PRDM1: variants seen among roughly 807,000 people sequenced by gnomAD.
PRDM1 encodes PR domain zinc finger protein 1.
A neutral mutation model predicts 62.8 loss-of-function variants in PRDM1; 13 were observed. The observed-to-expected ratio is 0.21, with a 90% CI of 0.13 to 0.33. PRDM1 has a LOEUF of 0.33. PRDM1 is among the 10% of genes least tolerant of loss of function. The probability of loss-of-function intolerance (pLI) is 1.00; values close to 1 mark genes in which losing one functional copy is unlikely to be tolerated. For missense variants in PRDM1, 895 were observed against 1,058.8 expected, an observed-to-expected ratio of 0.85 and a Z score of 2.15; for synonymous variants, 396 against 417.6, an observed-to-expected ratio of 0.95 and a Z score of 0.63.
chr6:106,032,414 C>T (rs1381960813), intron 1 of PRDM1, among the ~76,000 whole-genome samples: 1 of 150,730 alleles, frequency 6.6e-6, no homozygotes, highest in Non-Finnish European at 1.5e-5. Context: ...ATCCACCCTT[C>T]TCAGTCTCCC....
chr6:106,014,058 ATTTTTTT>A (rs71006664), intron 1 of PRDM1, among the ~76,000 whole-genome samples: 5 of 105,104 alleles, frequency 4.8e-5, no homozygotes, highest in Admixed American at 1.2e-4. Flanking sequence ...AGGACAAGGA[ATTTTTTT>A]TTTTTTTTTT....
rs112804146 is a variant in PRDM1 at position 106,050,948 on chromosome 6, A to G, written c.-67+2234A>G. ...AATTTAGTGATAAATTGTGCTTAGA[A>G]AGAAATATATAAAAATATATTTGGA... On this transcript the variant is annotated intron_variant, in intron 1 of 6. Coordinates refer to the PRDM1 transcript ENST00000651185. Among the ~76,000 whole-genome samples the G allele has an allele frequency of 3.7e-3, 558 of 152,372 alleles. 3 individuals carry two copies. The highest frequency in any genetic ancestry group is 7.0e-3 in the Non-Finnish European group (476 of 68,032).
chr6:106,051,195 T>C (rs1773168078), intron 1 of PRDM1, among the ~76,000 whole-genome samples: 1 of 152,248 alleles, frequency 6.6e-6, no homozygotes. Context: ...GTTTCCTTAA[T>C]TGTACCTAGG....
At position 106,106,560 on chromosome 6, in the gene PRDM1, T is replaced by C. The variant is rs1774497199; in HGVS notation, c.1902+61T>C. On this transcript the variant is annotated intron_variant, in intron 6 of 6. Coordinates refer to ENST00000369096, the MANE Select transcript of PRDM1 (RefSeq NM_001198.4). This position sits in a 1 kb window ranked among gnomAD's most constrained non-coding sequence, Gnocchi z 4.4. ...TGTAGAAAATGTCTGTGAGTCACCC[T>C]CCCATGTCCTATATAGCCCGTAGTT... 1 of 1,601,504 alleles carries C rather than the reference T, an allele frequency of 6.2e-7. No individual in the cohort carries two copies.
chr6:106,101,899 A>G (rs544744560), intron 4 of PRDM1, among the ~76,000 whole-genome samples: 2 of 152,366 alleles, frequency 1.3e-5, no homozygotes, highest in East Asian at 3.9e-4. Flanking sequence ...GCATTTTTCT[A>G]AAAACAAAGG....
chr6:106,086,470 C>G lies in PRDM1; in HGVS notation c.-84C>G, dbSNP rs898001467. 2.7e-5 allele frequency: 37 copies of G among 1,378,926 alleles called. No homozygotes were observed. The highest frequency in any genetic ancestry group is 3.4e-5 in the Non-Finnish European group (34 of 1,003,238). 85.4% of individuals were successfully genotyped at this position (1,378,926 alleles called of 1,614,324 possible). On this transcript the variant is annotated 5_prime_UTR_variant, in exon 1 of 7. Coordinates refer to ENST00000369096, the MANE Select transcript of PRDM1 (RefSeq NM_001198.4). ...GCCGGACGAAGCGAGGAGGGACCGC[C>G]GAGGTGCGCGTCTGTGCGGCTCAGC...
At chr6:106,074,426 T>C (rs1773569109) in intron 1 of PRDM1, among the ~76,000 whole-genome samples, 1 of 152,260 alleles carries the variant, frequency 6.6e-6, no homozygotes, top group South Asian at 2.1e-4. Flanking sequence ...CATGTATGTT[T>C]GATCATTGCA....
chr6:106,033,504 T>C (rs1772879222), intron 1 of PRDM1, among the ~76,000 whole-genome samples: 1 of 152,020 alleles, frequency 6.6e-6, no homozygotes, highest in South Asian at 2.1e-4. Flanking sequence ...CTTTAAGAGA[T>C]GAGATCTTGG....
At chr6:106,022,409 A>G (rs116846752) in intron 1 of PRDM1, among the ~76,000 whole-genome samples, 1,995 of 147,324 alleles carry the variant, frequency 0.014, 16 homozygotes, top group Non-Finnish European at 0.019. Context: ...GGCATGCACC[A>G]CCACCACGCC....
At chr6:106,071,477 C>T (rs1773519654) in intron 1 of PRDM1, among the ~76,000 whole-genome samples, 1 of 152,042 alleles carries the variant, frequency 6.6e-6, no homozygotes, top group Non-Finnish European at 1.5e-5. Context: ...GATCCACTTC[C>T]CATCGATTTT....
chr6:106,056,333 C>T (rs1562154963), intron 1 of PRDM1, among the ~76,000 whole-genome samples: 1 of 152,300 alleles, frequency 6.6e-6, no homozygotes, highest in Non-Finnish European at 1.5e-5. Context: ...GCCTTCTCAT[C>T]CCTCACCGCC....
At chr6:106,100,276 A>G (rs776753782) in intron 4 of PRDM1, 4 of 152,250 alleles carry the variant, frequency 2.6e-5, no homozygotes, top group Non-Finnish European at 4.4e-5. Flanking sequence ...AAGAATTGCC[A>G]TAAGATTCTA....
intron 1 of PRDM1, among the ~76,000 whole-genome samples, chr6:106,020,965 G>C (rs192387605): frequency 1.3e-3 from 197 of 152,286 alleles, no homozygotes; most frequent in Middle Eastern, 6.8e-3. Flanking sequence ...TTGTCTACCT[G>C]CACATCCTCT....
intron 1 of PRDM1, among the ~76,000 whole-genome samples, chr6:106,080,411 C>T (rs889214921): frequency 4.6e-5 from 7 of 152,192 alleles, no homozygotes; most frequent in African/African-American, 1.7e-4. Context: ...CCACGCCCCC[C>T]ACCGCAGCCC....
At position 106,031,800 on chromosome 6, in the gene PRDM1, G is replaced by C. The variant is rs556644214; in HGVS notation, c.-67+38161G>C. Among the ~76,000 whole-genome samples the C allele has an allele frequency of 1.4e-4, 21 of 152,310 alleles. 2 individuals are homozygous for C. Among genetic ancestry groups the C allele is most frequent in the African/African-American group, 5.1e-4 (21 of 41,570 alleles). ...ACTTTGAAATTAAGACCTGAAAGGG[G>C]CCTTAAAGAGAAGTAGATCAGCTAT... On this transcript the variant is annotated intron_variant, in intron 1 of 6. Coordinates refer to the PRDM1 transcript ENST00000652320.
upstream of PRDM1, among the ~76,000 whole-genome samples, chr6:106,085,490 A>G (rs1254151740): frequency 1.3e-5 from 2 of 152,364 alleles, no homozygotes; most frequent in Admixed American, 6.5e-5. Context: ...TCTTAATAAT[A>G]AACAAACAGG....
intron 1 of PRDM1, among the ~76,000 whole-genome samples, chr6:106,079,673 C>T (rs1237661855): frequency 6.6e-6 from 1 of 152,182 alleles, no homozygotes; most frequent in African/African-American, 2.4e-5. Context: ...TGGCACGTGC[C>T]TTTAATCCCA....
chr6:106,023,707 C>T (rs1201820752), intron 1 of PRDM1, among the ~76,000 whole-genome samples: 3 of 152,162 alleles, frequency 2.0e-5, no homozygotes, highest in Admixed American at 6.5e-5. Flanking sequence ...ATACTGTTCG[C>T]ATGCAATTGT....
chr6:106,018,366 A>G (rs1350128611), intron 1 of PRDM1, among the ~76,000 whole-genome samples: 2 of 152,176 alleles, frequency 1.3e-5, no homozygotes, highest in African/African-American at 2.4e-5. Context: ...CCCACACTCA[A>G]TTTCCCATGT....
Sources: gnomAD v4.1 joint callset for allele counts (sites outside exome capture counted in the v4.1 genomes callset) on GRCh38, gnomAD v4.1.1 for gene constraint, Gnocchi (gnomAD v3.1) non-coding constraint, MANE v1.5 for transcripts, NCBI Gene and HGNC (gene_info 2026-07-23, HGNC 2026-07-21) for gene names.